Variants in GRIP1 observed in about 807,000 individuals in gnomAD.
GRIP1 encodes glutamate receptor interacting protein 1.
GRIP1 carries 45 observed loss-of-function variants against 129.9 expected under a neutral mutation model. The ratio of observed to expected loss-of-function variants is 0.35; its 90% CI spans 0.27 to 0.44. The LOEUF (loss-of-function observed/expected upper bound fraction) is 0.44, where lower values mean the gene tolerates loss of function less well. GRIP1 is among the 20% of genes least tolerant of loss of function. The pLI, the probability that GRIP1 is intolerant of heterozygous loss-of-function variation, is 1.00. For missense variants in GRIP1, 1,196 were observed against 1,396.8 expected, an observed-to-expected ratio of 0.86 and a Z score of 2.29; for synonymous variants, 530 against 520.8, an observed-to-expected ratio of 1.02 and a Z score of -0.24.
intron 16 of GRIP1, among the ~76,000 whole-genome samples, chr12:66,398,554 G>C (rs1252674668): frequency 2.0e-5 from 3 of 151,936 alleles, no homozygotes; most frequent in Non-Finnish European, 4.4e-5. Flanking sequence ...CTTCAGAAAG[G>C]CTTCCTGGTG....
chr12:66,787,745 T>C (rs2038399635), intron 1 of GRIP1, among the ~76,000 whole-genome samples: 1 of 152,134 alleles, frequency 6.6e-6, no homozygotes, highest in Admixed American at 6.6e-5. Context: ...TCCAGAACTA[T>C]GAGAAATACA....
chr12:66,481,414 G>A (rs900881042), intron 7 of GRIP1, among the ~76,000 whole-genome samples: 1 of 152,162 alleles, frequency 6.6e-6, no homozygotes, highest in African/African-American at 2.4e-5. Context: ...TCTCATGCCA[G>A]TTAGAATGGT....
intron 1 of GRIP1, among the ~76,000 whole-genome samples, chr12:66,715,058 G>A (rs1055468111): frequency 1.3e-5 from 2 of 151,948 alleles, no homozygotes; most frequent in African/African-American, 2.4e-5. Context: ...CACTTCCACT[G>A]CTCTAGTGTA....
intron 7 of GRIP1, among the ~76,000 whole-genome samples, chr12:66,478,035 A>C (rs1940860208): frequency 6.6e-6 from 1 of 152,244 alleles, no homozygotes. Context: ...AATGGGATCT[A>C]ATTTAACTAA....
chr12:66,566,076 A>T (rs1184994623), intron 2 of GRIP1, among the ~76,000 whole-genome samples: 1 of 152,168 alleles, frequency 6.6e-6, no homozygotes, highest in African/African-American at 2.4e-5. Flanking sequence ...AACAGAGACA[A>T]TTTGACTTCC....
chr12:66,351,117 T>G (rs749214046), intron 24 of GRIP1, among the ~76,000 whole-genome samples: 3 of 152,216 alleles, frequency 2.0e-5, no homozygotes, highest in Non-Finnish European at 4.4e-5. Flanking sequence ...AATTGTTCTA[T>G]TGCCATAGTA....
intron 1 of GRIP1, among the ~76,000 whole-genome samples, chr12:66,941,328 T>C (rs1418948006): frequency 1.3e-5 from 2 of 152,212 alleles, no homozygotes; most frequent in Non-Finnish European, 2.9e-5. Context: ...GAGGTTACAA[T>C]TTCAGTCTTC....
intron 1 of GRIP1, among the ~76,000 whole-genome samples, chr12:66,849,121 T>C (rs1254911265): frequency 1.3e-5 from 2 of 152,152 alleles, no homozygotes; most frequent in Non-Finnish European, 2.9e-5. Context: ...ATCTGAACTC[T>C]TTCTGCAGCA....
intron 1 of GRIP1, among the ~76,000 whole-genome samples, chr12:66,914,044 C>T (rs928222471): frequency 3.9e-5 from 6 of 152,264 alleles, no homozygotes; most frequent in Middle Eastern, 3.4e-3. Context: ...ATCAGAATTA[C>T]GCTATCCCTG....
intron 19 of GRIP1, among the ~76,000 whole-genome samples, chr12:66,382,792 A>G (rs1041895758): frequency 2.0e-5 from 3 of 152,210 alleles, no homozygotes; most frequent in African/African-American, 7.2e-5. Context: ...ATTGTTTGGT[A>G]TATGTATAGG....
chr12:66,537,519 C>CAT (rs3047978), intron 4 of GRIP1, among the ~76,000 whole-genome samples: 48,067 of 149,188 alleles, frequency 0.32, 8,467 homozygotes, highest in African/African-American at 0.48. Flanking sequence ...ATGGATATAT[C>CAT]ATATATATAT....
intron 1 of GRIP1, among the ~76,000 whole-genome samples, chr12:66,706,732 C>T (rs1056019140): frequency 6.6e-6 from 1 of 151,934 alleles, no homozygotes; most frequent in Non-Finnish European, 1.5e-5. Flanking sequence ...GGGATGAAGC[C>T]GGAAGCCATC....
chr12:67,066,888 T>TATATATA (rs2043635570), intron 1 of GRIP1, among the ~76,000 whole-genome samples: 145 of 125,634 alleles, frequency 1.2e-3, no homozygotes, highest in Non-Finnish European at 2.0e-3. Flanking sequence ...AAATATATAT[T>TATATATA]TATATATATA....
At position 66,706,699 on chromosome 12, in the gene GRIP1, A is replaced by C. The variant is rs574740282; in HGVS notation, c.-419-76363T>G. On this transcript the variant is annotated intron_variant, in intron 1 of 4. Transcript: ENST00000538373. ...TACTATGCAGCCATAAAAAGGAAGG[A>C]GATCATGCCTTTTGCAGGGACAGGG... is the stretch of plus-strand genomic sequence containing the variant. Among the ~76,000 whole-genome samples the C allele has an allele frequency of 2.6e-5, 4 of 152,292 alleles. No homozygotes were observed. The East Asian group carries it at 7.7e-4, about 29-fold the overall frequency.
intron 1 of GRIP1, among the ~76,000 whole-genome samples, chr12:66,942,481 A>G (rs115209592): frequency 0.032 from 4,930 of 152,300 alleles, 174 homozygotes; most frequent in African/African-American, 0.081. Context: ...GGGGCACCCT[A>G]ACTTTGACTT....
intron 1 of GRIP1, among the ~76,000 whole-genome samples, chr12:66,828,970 CAG>C (rs1197111113): frequency 6.6e-6 from 1 of 152,182 alleles, no homozygotes; most frequent in Non-Finnish European, 1.5e-5. Flanking sequence ...TTTATCATTT[CAG>C]AGAGACTTCT....
chr12:66,473,296 G>T (rs189345845), intron 7 of GRIP1, among the ~76,000 whole-genome samples: 2 of 152,288 alleles, frequency 1.3e-5, no homozygotes, highest in South Asian at 2.1e-4. Flanking sequence ...CTCTGGGCAG[G>T]GCATCTCTGA....
chr12:67,023,517 C>A (rs2042897590), intron 1 of GRIP1, among the ~76,000 whole-genome samples: 1 of 151,602 alleles, frequency 6.6e-6, no homozygotes, highest in Admixed American at 6.6e-5. Context: ...ACCATACTGT[C>A]TTGATTATTG....
At chr12:66,787,822 C>G (rs747795440) in intron 1 of GRIP1, among the ~76,000 whole-genome samples, 1 of 152,052 alleles carries the variant, frequency 6.6e-6, no homozygotes, top group African/African-American at 2.4e-5. Context: ...AACTAAGATA[C>G]CCCCCAAAAG....
Sources: allele counts gnomAD v4.1 joint callset (sites outside exome capture counted in the v4.1 genomes callset), GRCh38; gene constraint gnomAD v4.1.1; transcripts MANE v1.5; gene names NCBI Gene and HGNC (gene_info 2026-07-23, HGNC 2026-07-21).